A1CF: variants seen among roughly 807,000 people sequenced by gnomAD.
A1CF encodes APOBEC-1 stimulating protein.
A1CF carries 48 observed loss-of-function variants against 68.9 expected under a neutral mutation model. The ratio of observed to expected loss-of-function variants is 0.70; its 90% CI spans 0.55 to 0.89. A1CF has a LOEUF of 0.89. Among genes scored for constraint, A1CF ranks in the 40% least tolerant of loss-of-function variants. The probability of loss-of-function intolerance (pLI) is 0.00; values close to 1 mark genes in which losing one functional copy is unlikely to be tolerated. For synonymous variants in A1CF, 272 were observed against 260.4 expected (o/e 1.04, Z -0.43); for missense variants, 653 against 718.9 (o/e 0.91, Z 1.05).
intron 1 of A1CF, among the ~76,000 whole-genome samples, chr10:50,869,284 C>T (rs1042225289): frequency 2.0e-5 from 3 of 152,050 alleles, no homozygotes; most frequent in Non-Finnish European, 2.9e-5. Flanking sequence ...AATGTGAGAG[C>T]GCCTAACATA....
intron 7 of A1CF, among the ~76,000 whole-genome samples, chr10:50,827,798 T>G (rs1017061441): frequency 6.6e-6 from 1 of 151,908 alleles, no homozygotes; most frequent in African/African-American, 2.4e-5. Context: ...AGAGCAGAAC[T>G]GAATGAGATA....
rs776898553 is a variant in A1CF at position 50,811,073 on chromosome 10, G to T, written c.1427C>A (p.Thr476Asn). Residue 476 changes from threonine (T) to asparagine (N), a missense_variant, in exon 11 of 13, where the codon ACT becomes AAT. Thr to Asn is a moderately conservative substitution (Grantham distance 65, BLOSUM62 0). Transcript: ENST00000373997. ...ATTCTGGCTGGCTAGAGCAGGAATA[G>T]TTATTTTGTACAAGAATAGCTGTCT... ...DQRQLFLYKI[T>N]IPALASQNPA... is the part of the protein sequence containing the mutation. 1.9e-6 allele frequency: 3 copies of T among 1,613,544 alleles called. No individual in the cohort carries two copies. The highest frequency in any genetic ancestry group is 2.5e-6 in the Non-Finnish European group (3 of 1,179,652).
intron 8 of A1CF, among the ~76,000 whole-genome samples, chr10:50,817,233 G>A (rs1461001332): frequency 6.6e-6 from 1 of 152,162 alleles, no homozygotes; most frequent in South Asian, 2.1e-4. Flanking sequence ...GAAAGCATTT[G>A]TGGCTTTGTT....
intron 3 of A1CF, among the ~76,000 whole-genome samples, chr10:50,853,171 C>T (rs1188994433): frequency 6.6e-6 from 1 of 152,078 alleles, no homozygotes; most frequent in Non-Finnish European, 1.5e-5. Context: ...GGCTGATTAA[C>T]AGAGGAAGGG....
At position 50,802,045 on chromosome 10, in the gene A1CF, T is replaced by C. The variant is rs187640338; in HGVS notation, c.*4684A>G. On this transcript the variant is annotated 3_prime_UTR_variant, in exon 13 of 13. Coordinates refer to ENST00000373997, the MANE Select transcript of A1CF (RefSeq NM_014576.4). ...AAAATGTTGGACATTTGGAGGGCAA[T>C]AGAGTATTCTGTACCCATTTTTCCT... The C allele has an allele frequency of 6.6e-6, 1 of 152,304 alleles. No individual in the cohort carries two copies. The highest frequency in any genetic ancestry group is 6.5e-5 in the Admixed American group (1 of 15,302). 9.4% of individuals were successfully genotyped at this position (152,304 alleles called of 1,614,324 possible).
intron 6 of A1CF, among the ~76,000 whole-genome samples, chr10:50,834,242 C>T (rs1268528275): frequency 2.0e-5 from 3 of 152,120 alleles, no homozygotes; most frequent in Non-Finnish European, 2.9e-5. Context: ...CTGTCCTACT[C>T]CCCCACACCC....
At chr10:50,829,874 T>A (rs1839156391) in intron 6 of A1CF, among the ~76,000 whole-genome samples, 1 of 152,184 alleles carries the variant, frequency 6.6e-6, no homozygotes. Flanking sequence ...CTTGCAAAAA[T>A]AGATGATTAA....
chr10:50,803,122 T>G lies in A1CF; in HGVS notation c.*3607A>C, dbSNP rs913579817. The G allele has an allele frequency of 3.9e-5, 6 of 152,300 alleles. No individual in the cohort carries two copies. Among genetic ancestry groups the G allele is most frequent in the Non-Finnish European group, 2.9e-5 (2 of 68,064 alleles). 9.4% of individuals were successfully genotyped at this position (152,300 alleles called of 1,614,324 possible). A position where few individuals can be genotyped will look rare whatever the true frequency, so the allele number is the denominator to read the frequency against. ...TGCTTTTTTGGAGACAGGGTCTTGCTCTGTCACCCAGGCTGGAGTGCAGCG... is the reference window on the plus strand; with the variant it reads ...TGCTTTTTTGGAGACAGGGTCTTGCGCTGTCACCCAGGCTGGAGTGCAGCG... On this transcript the variant is annotated 3_prime_UTR_variant, in exon 13 of 13. Transcript: ENST00000373997.
At chr10:50,856,106 G>C (rs1840465404) in intron 3 of A1CF, among the ~76,000 whole-genome samples, 1 of 152,010 alleles carries the variant, frequency 6.6e-6, no homozygotes, top group Admixed American at 6.6e-5. Context: ...AAATAGTCCA[G>C]TGTGCTAACC....
chr10:50,821,050 A>G (rs1838637183), intron 7 of A1CF, among the ~76,000 whole-genome samples: 1 of 152,206 alleles, frequency 6.6e-6, no homozygotes, highest in Non-Finnish European at 1.5e-5. Flanking sequence ...CCCCAGCAAA[A>G]TGTCTTTATC....
At position 50,813,854 on chromosome 10, in the gene A1CF, T is replaced by C; in HGVS notation, c.1323+3A>G. ...AAACTATTTCTGGAATAACATTACC[T>C]ACCTGGGGAGCGAGTTTAATTCCTT... On this transcript the variant is annotated splice_donor_region_variant and intron_variant, in intron 10 of 12. Coordinates refer to ENST00000373997, the MANE Select transcript of A1CF (RefSeq NM_014576.4). 6.2e-7 allele frequency: 1 copy of C among 1,613,016 alleles called. No individual in the cohort carries two copies. Among genetic ancestry groups the C allele is most frequent in the Non-Finnish European group, 8.5e-7 (1 of 1,179,054 alleles).
Position 50,848,642 on chromosome 10 carries a change from A to G in A1CF, c.100-4520T>C, listed in dbSNP as rs12252902. ...TGGAAAGTTCATATTTCAAGTTTGT[A>G]ATCGTCTTTGTGGTTCTCTTTGATT... On this transcript the variant is annotated intron_variant, in intron 3 of 12. Transcript: ENST00000373997. 9.4e-3 allele frequency among the ~76,000 whole-genome samples: 1,432 copies of G among 152,214 alleles called. 31 individuals carry two copies. Among genetic ancestry groups the G allele is most frequent in the African/African-American group, 0.033 (1,358 of 41,528 alleles).
At position 50,806,812 on chromosome 10, in the gene A1CF, G is replaced by A. The variant is rs1185171307; in HGVS notation, c.1678C>T (p.Gln560Ter). 6.2e-7 allele frequency: 1 copy of A among 1,613,558 alleles called. No homozygotes were observed. ...AQLKQAVTLGQDLAAYTTYEV... is the reference protein window; with the variant it reads ...AQLKQAVTLG ...TAGGTTGTATATGCTGCTAAGTCTT[G>A]TCCAAGGGTTACCGCTTGCTTGAGC... The change falls in exon 13 of 13, where the codon CAA becomes TAA. Residue 560 changes from glutamine (Q) to a stop codon, truncating the protein, a stop_gained. Transcript: ENST00000373997. LOFTEE classifies it high-confidence loss of function.
intron 7 of A1CF, among the ~76,000 whole-genome samples, chr10:50,821,401 C>T (rs573368151): frequency 1.9e-4 from 29 of 152,292 alleles, no homozygotes; most frequent in African/African-American, 6.7e-4. Context: ...ATATCAATTA[C>T]ACTACTGTTG....
intron 1 of A1CF, among the ~76,000 whole-genome samples, chr10:50,880,311 A>G (rs992817106): frequency 4.6e-5 from 7 of 152,198 alleles, no homozygotes; most frequent in African/African-American, 1.7e-4. Context: ...CCTAAGCTGT[A>G]GCTGCTTTAT....
At chr10:50,860,790 C>T (rs1300556904) in intron 2 of A1CF, among the ~76,000 whole-genome samples, 1 of 152,122 alleles carries the variant, frequency 6.6e-6, no homozygotes, top group Non-Finnish European at 1.5e-5. Context: ...TTGCTCACAT[C>T]CACAAGTTCC....
chr10:50,863,826 A>T (rs72787059), intron 2 of A1CF, among the ~76,000 whole-genome samples: 1 of 152,036 alleles, frequency 6.6e-6, no homozygotes, highest in Non-Finnish European at 1.5e-5. Flanking sequence ...GGGAAATTAT[A>T]GTTAACAATA....
intron 3 of A1CF, among the ~76,000 whole-genome samples, chr10:50,850,232 A>G (rs1055352862): frequency 1.9e-4 from 29 of 152,368 alleles, no homozygotes; most frequent in African/African-American, 7.0e-4. Flanking sequence ...AAGATTGACC[A>G]TTGAAAGTCT....
In A1CF at chr10:50,806,769, AAAGTTGGGTAG is replaced by A; in HGVS notation, c.1710_1720del (p.Tyr571CysfsTer18). On this transcript the variant is annotated frameshift_variant, in exon 13 of 13. Transcript: ENST00000373997. LOFTEE classifies it high-confidence loss of function. ...TCCATCCCCTCGGGCAGTCACTGCA[AAAGTTGGGTAG>A]ACCTCATAGGTTGTATATGCTGCTA... 1 of 1,611,902 alleles carries A rather than the reference AAAGTTGGGTAG, an allele frequency of 6.2e-7. No individual in the cohort carries two copies. Among genetic ancestry groups the A allele is most frequent in the South Asian group, 1.1e-5 (1 of 90,592 alleles).
Sources: allele counts gnomAD v4.1 joint callset (sites outside exome capture counted in the v4.1 genomes callset), GRCh38; gene constraint gnomAD v4.1.1; transcripts MANE v1.5; gene names NCBI Gene and HGNC (gene_info 2026-07-23, HGNC 2026-07-21).